Variants in DCHS1 observed in about 807,000 individuals in gnomAD.
DCHS1 encodes the protein protocadherin-16.
Under a neutral mutation model 213.9 loss-of-function variants are expected in DCHS1, and 78 were observed. The observed-to-expected ratio is 0.36, with a 90% CI of 0.30 to 0.44. DCHS1 has a LOEUF of 0.44. Ranked by LOEUF, DCHS1 falls within the 20% of genes least tolerant of loss-of-function variation. The probability of loss-of-function intolerance (pLI) is 1.00; values close to 1 mark genes in which losing one functional copy is unlikely to be tolerated. For missense variants in DCHS1, 3,946 were observed against 4,395.9 expected, an observed-to-expected ratio of 0.90 and a Z score of 2.89; for synonymous variants, 1,828 against 1,873.7, an observed-to-expected ratio of 0.98 and a Z score of 0.63.
intron 1 of DCHS1, among the ~76,000 whole-genome samples, chr11:6,647,519 A>G (rs1038529108): frequency 2.0e-5 from 3 of 152,174 alleles, no homozygotes; most frequent in Non-Finnish European, 4.4e-5. Context: ...CTGAGGACAG[A>G]TGTGAGCAAA....
intron 2 of DCHS1, among the ~76,000 whole-genome samples, chr11:6,637,442 T>C (rs920769405): frequency 2.6e-5 from 4 of 152,186 alleles, no homozygotes; most frequent in Non-Finnish European, 1.5e-5. Context: ...GACTACCATT[T>C]GCATAAACAA....
At position 6,623,744 on chromosome 11, in the gene DCHS1, G is replaced by A. The variant is rs200279703; in HGVS notation, c.7932C>T (p.Gly2644=). The A allele has an allele frequency of 5.3e-5, 86 of 1,613,880 alleles. 1 individual carries two copies. In the East Asian group the frequency reaches 1.0e-3, roughly 20 times the overall value. The part of the protein sequence containing the change: ...HGLVRFTVSS[G]DPSGLFELDE... ...CCAGCTCAAAGAGCCCTGATGGGTC[G>A]CCTGAGCTGACAGTGAAACGCACGA... is the stretch of plus-strand genomic sequence containing the variant. Residue 2644 remains glycine (G), a synonymous_variant, in exon 21 of 21, where the codon GGC becomes GGT. Coordinates refer to ENST00000299441, the MANE Select transcript of DCHS1 (RefSeq NM_003737.4).
At position 6,641,268 on chromosome 11, in the gene DCHS1, G is replaced by C. The variant is rs892178424; in HGVS notation, c.346C>G (p.Arg116Gly). 1 of 1,613,740 alleles carries C rather than the reference G, an allele frequency of 6.2e-7. No homozygotes were observed. The highest frequency in any genetic ancestry group is 1.3e-5 in the African/African-American group (1 of 75,068). ...CCATCAGGAGTGACTGCAGTGAAGC[G>C]GTAGCGGTCCCGCTGCTCACGGTCC... ...VLDREQRDRY[R>G]FTAVTPDGAT... The change falls in exon 2 of 21, where the codon CGC (arginine) becomes GGC (glycine). Residue 116 changes from arginine (R) to glycine (G), a missense_variant. Transcript: ENST00000299441. The surrounding 1 kb of genome is among the most constrained non-coding windows in gnomAD (Gnocchi z 7.1).
chr11:6,627,591 T>C lies in DCHS1; in HGVS notation c.5448A>G (p.Glu1816=). Residue 1816 remains glutamate, a synonymous_variant, in exon 14 of 21, where the codon GAA becomes GAG. Transcript: ENST00000299441. The surrounding 1 kb of genome is among the most constrained non-coding windows in gnomAD (Gnocchi z 5.4). ...EFGTMRPLDR[E]VEPAFQLRIE... ...TCCTCAGCTGGAAAGCTGGCTCCACTTCTCTGTCTAGTGGCCGCATGGTGC... is the reference window on the plus strand; with the variant it reads ...TCCTCAGCTGGAAAGCTGGCTCCACCTCTCTGTCTAGTGGCCGCATGGTGC... 1 of 1,613,146 alleles carries C rather than the reference T, an allele frequency of 6.2e-7. No homozygotes were observed. Among genetic ancestry groups the C allele is most frequent in the South Asian group, 1.1e-5 (1 of 90,978 alleles).
At position 6,626,489 on chromosome 11, in the gene DCHS1, G is replaced by A; in HGVS notation, c.6364+63C>T. On this transcript the variant is annotated intron_variant, in intron 15 of 20. Coordinates refer to ENST00000299441, the MANE Select transcript of DCHS1 (RefSeq NM_003737.4). The surrounding 1 kb of genome is among the most constrained non-coding windows in gnomAD (Gnocchi z 5.2). ...CCCTTCACCCATCAAAGGCTCCTCT[G>A]ATGCAAAGAACCTGCTTCCCCAGTA... is the stretch of plus-strand genomic sequence containing the variant. The A allele has an allele frequency of 6.2e-7, 1 of 1,605,654 alleles. No individual in the cohort carries two copies. The highest frequency in any genetic ancestry group is 1.1e-5 in the South Asian group (1 of 90,544).
chr11:6,633,713 G>A lies in DCHS1; in HGVS notation c.2219-65C>T, dbSNP rs1386681759. 2.5e-6 allele frequency: 4 copies of A among 1,602,370 alleles called. No individual in the cohort carries two copies. The African/African-American group carries it at 5.4e-5, about 21-fold the overall frequency. On this transcript the variant is annotated intron_variant, in intron 4 of 20. Transcript: ENST00000299441. ...TAATAGGGCTAGAAAGGTTATGGAGGAGGTGGGTAGGACATCATTTAGGCA... is the reference window on the plus strand; with the variant it reads ...TAATAGGGCTAGAAAGGTTATGGAGAAGGTGGGTAGGACATCATTTAGGCA...
Position 6,632,739 on chromosome 11 carries a change from C to T in DCHS1, c.2773G>A (p.Val925Ile). The T allele has an allele frequency of 6.2e-7, 1 of 1,610,294 alleles. No individual in the cohort carries two copies. Among genetic ancestry groups the T allele is most frequent in the South Asian group, 1.1e-5 (1 of 90,206 alleles). The change falls in exon 6 of 21, where the codon GTT becomes ATT. Residue 925 changes from valine to isoleucine, a missense_variant. Val to Ile is a conservative substitution (Grantham distance 29). This residue lies in a region of DCHS1 where 3,384 missense variants were observed against 3,780.1 expected (regional missense o/e 0.90). Coordinates refer to ENST00000299441, the MANE Select transcript of DCHS1 (RefSeq NM_003737.4). This position sits in a 1 kb window ranked among gnomAD's most constrained non-coding sequence, Gnocchi z 5.9. ...AGGGTAAAGGTGACTCGACTGTTAA[C>T]ACCTGAGTCGGGGTCAAGAGCCCGC... ...TLRALDPDSG[V>I]NSRVTFTLLA...
chr11:6,649,795 A>T (rs1856219273), intron 1 of DCHS1, among the ~76,000 whole-genome samples: 1 of 152,160 alleles, frequency 6.6e-6, no homozygotes, highest in Non-Finnish European at 1.5e-5. Context: ...TAGGCTGTAG[A>T]AGAGGCCAGC....
rs544959217 is a variant in DCHS1, at chr11:6,652,205, T to C, written c.-121+3358A>G. ...AATGTTGATAGAATAAAATCATGGC[T>C]CAGAAGCCAAACAACAAAAACAACT... On this transcript the variant is annotated intron_variant, in intron 1 of 20. Coordinates refer to ENST00000299441, the MANE Select transcript of DCHS1 (RefSeq NM_003737.4). 1.1e-4 allele frequency among the ~76,000 whole-genome samples: 17 copies of C among 152,218 alleles called. No homozygotes were observed. In the South Asian group the frequency reaches 3.1e-3, roughly 28 times the overall value.
chr11:6,626,994 A>G lies in DCHS1; in HGVS notation c.6045T>C (p.Ser2015=), dbSNP rs1187308316. Residue 2015 remains serine, a synonymous_variant, in exon 14 of 21, where the codon TCT becomes TCC. Transcript: ENST00000299441. This position sits in a 1 kb window ranked among gnomAD's most constrained non-coding sequence, Gnocchi z 5.2. ...GTPPPGTTVD[S]YTGEIRVARS... The stretch of plus-strand genomic sequence containing the variant: ...GGGCCACGCGGATTTCACCAGTGTA[A>G]GAGTCCACAGTAGTGCCAGGAGGTG... 1 of 1,613,758 alleles carries G rather than the reference A, an allele frequency of 6.2e-7. No individual in the cohort carries two copies. The highest frequency in any genetic ancestry group is 2.2e-5 in the East Asian group (1 of 44,886).
intron 1 of DCHS1, among the ~76,000 whole-genome samples, chr11:6,645,668 G>C (rs1856143704): frequency 6.6e-6 from 1 of 152,218 alleles, no homozygotes; most frequent in South Asian, 2.1e-4. Flanking sequence ...AGAGACTCAT[G>C]TCCAGGCAGA....
At position 6,624,103 on chromosome 11, in the gene DCHS1, C is replaced by T. The variant is rs2134612113; in HGVS notation, c.7573G>A (p.Gly2525Ser). 1 of 1,612,048 alleles carries T rather than the reference C, an allele frequency of 6.2e-7. No individual in the cohort carries two copies. The highest frequency in any genetic ancestry group is 8.5e-7 in the Non-Finnish European group (1 of 1,179,190). The change falls in exon 21 of 21, where the codon GGC (glycine) becomes AGC (serine). Residue 2525 changes from glycine to serine, a missense_variant. Physicochemically the swap from Gly to Ser is moderately conservative, Grantham distance 56 (BLOSUM62 0). Around this residue, in one of 3 missense-constraint regions of DCHS1, gnomAD observed 3,384 missense variants for 3,780.1 expected, o/e 0.90. Coordinates refer to ENST00000299441, the MANE Select transcript of DCHS1 (RefSeq NM_003737.4). ...HAAVDYSIIS[G>S]NWGRVFQLEP... is the part of the protein sequence containing the mutation. ...AGCTGGAAGACTCGGCCCCAGTTGC[C>T]ACTGATGATGCTGTAGTCCACAGCG...
rs146411944 is a variant in DCHS1 at position 6,627,101 on chromosome 11, T to C, written c.5938A>G (p.Thr1980Ala). Residue 1980 changes from threonine to alanine, a missense_variant, in exon 14 of 21, where the codon ACC becomes GCC. Thr to Ala is a moderately conservative substitution (Grantham distance 58). Around this residue, in one of 3 missense-constraint regions of DCHS1, gnomAD observed 3,384 missense variants for 3,780.1 expected, o/e 0.90. Transcript: ENST00000299441. The surrounding 1 kb of genome is among the most constrained non-coding windows in gnomAD (Gnocchi z 5.4). ...GCTCTCAGTGTGGCCAGAGCCAGGG[T>C]TGGGGTACTGAAGCTGGGGCCTGGG... ...PRPGPSFSTP[T>A]LALATLRAED... 3 of 1,612,486 alleles carry C rather than the reference T, an allele frequency of 1.9e-6. No homozygotes were observed. Among genetic ancestry groups the C allele is most frequent in the Non-Finnish European group, 1.7e-6 (2 of 1,179,478 alleles).
In DCHS1 at chr11:6,631,149, G is replaced by C. The variant is rs1485832326; in HGVS notation, c.3834C>G (p.Pro1278=). The change falls in exon 9 of 21, where the codon CCC becomes CCG. Residue 1278 remains proline, a synonymous_variant. Transcript: ENST00000299441. ...AGTGGGGCCGCTCTGCTCGGATCAGGGGAGCTGCAGTGAGCAGCTCCCCTG... is the reference window on the plus strand; with the variant it reads ...AGTGGGGCCGCTCTGCTCGGATCAGCGGAGCTGCAGTGAGCAGCTCCCCTG... ...PHSGELLTAA[P]LIRAERPHYV... is the part of the protein sequence containing the mutation. 6 of 1,612,636 alleles carry C rather than the reference G, an allele frequency of 3.7e-6. No individual in the cohort carries two copies. In the African/African-American group the frequency reaches 6.7e-5, roughly 18 times the overall value.
In DCHS1 at chr11:6,629,784, G is replaced by A; in HGVS notation, c.4923C>T (p.Asp1641=). ...ATQVLTVSVA[D]VNDEAPTFQQ... Reference sequence around the variant, plus strand: ...GGAAAGTAGGCGCCTCGTCGTTGACGTCAGCGACACTGACGGTCAGGACCT... The same window carrying A: ...GGAAAGTAGGCGCCTCGTCGTTGACATCAGCGACACTGACGGTCAGGACCT... Residue 1641 remains aspartate, a synonymous_variant, in exon 11 of 21, where the codon GAC becomes GAT. Transcript: ENST00000299441. 6.2e-7 allele frequency: 1 copy of A among 1,613,650 alleles called. No individual in the cohort carries two copies. Among genetic ancestry groups the A allele is most frequent in the Non-Finnish European group, 8.5e-7 (1 of 1,179,898 alleles).
Position 6,633,508 on chromosome 11 carries a change from G to A in DCHS1, c.2359C>T (p.Pro787Ser). The change falls in exon 5 of 21, where the codon CCA (proline) becomes TCA (serine). Residue 787 changes from proline to serine, a missense_variant. Transcript: ENST00000299441. ...DISIVPGTPT[P>S]PIFEQLQYVF... ...TACTGTAGTTGCTCAAATATGGGTG[G>A]TGTGGGGGTTCCAGGCACAATGCTG... 6.3e-7 allele frequency: 1 copy of A among 1,583,980 alleles called. No homozygotes were observed. The highest frequency in any genetic ancestry group is 1.3e-5 in the African/African-American group (1 of 74,366).
Position 6,623,614 on chromosome 11 carries a change from C to A in DCHS1, c.8062G>T (p.Ala2688Ser), listed in dbSNP as rs996336988. 8 of 1,613,846 alleles carry A rather than the reference C, an allele frequency of 5.0e-6. No individual in the cohort carries two copies. In the African/African-American group the frequency reaches 5.3e-5, roughly 11 times the overall value. Residue 2688 changes from alanine to serine, a missense_variant, in exon 21 of 21, where the codon GCT (alanine) becomes TCT (serine). Ala to Ser is a moderately conservative substitution (Grantham distance 99). Coordinates refer to ENST00000299441, the MANE Select transcript of DCHS1 (RefSeq NM_003737.4). ...ACCTCAATTGTCACTGGTGCCAAAG[C>A]AAAGTGTGCACCAGCAGGGTCAGCA... ...QAADPAGAHFALAPVTIEVQD... is the reference protein window; with the variant it reads ...QAADPAGAHFSLAPVTIEVQD...
At chr11:6,638,095 C>T (rs1257161695) in intron 2 of DCHS1, among the ~76,000 whole-genome samples, 2 of 152,070 alleles carry the variant, frequency 1.3e-5, no homozygotes, top group African/African-American at 4.8e-5. Flanking sequence ...AGAGTAAACA[C>T]GTGGAAGAGT....
chr11:6,655,510 C>G, intron 1 of DCHS1, 53 bp downstream of exon 1: 8 of 966,402 alleles, frequency 8.3e-6, no homozygotes, highest in Non-Finnish European at 9.8e-6. Flanking sequence ...CCAGGGGAGG[C>G]CGGCGGGCAG....
Sources: gnomAD v4.1 joint callset for allele counts (sites outside exome capture counted in the v4.1 genomes callset) on GRCh38, gnomAD v4.1.1 for gene constraint, gnomAD v4.1.1 regional missense constraint, Gnocchi (gnomAD v3.1) non-coding constraint, MANE v1.5 for transcripts, NCBI Gene and HGNC (gene_info 2026-07-23, HGNC 2026-07-21) for gene names.